GREB1: variants seen among roughly 807,000 people sequenced by gnomAD.
The protein encoded by GREB1 is growth regulating estrogen receptor binding 1.
Under a neutral mutation model 200.7 loss-of-function variants are expected in GREB1, and 106 were observed. The ratio of observed to expected loss-of-function variants is 0.53; its 90% CI spans 0.45 to 0.62. GREB1 has a LOEUF of 0.62. Ranked by LOEUF, GREB1 falls within the 20% of genes least tolerant of loss-of-function variation. GREB1 has a pLI of 0.00. For missense variants in GREB1, 2,243 were observed against 2,556.8 expected, an observed-to-expected ratio of 0.88 and a Z score of 2.65; for synonymous variants, 1,132 against 1,092.4, an observed-to-expected ratio of 1.04 and a Z score of -0.72.
In GREB1 at chr2:11,588,203, C is replaced by T. The variant is rs1333248567; in HGVS notation, c.1160-543C>T. The stretch of plus-strand genomic sequence containing the variant: ...GAGATCACGCCACTGCACTCCAGCC[C>T]GGGGACAGAGCAAGACACTGTCTCA... On this transcript the variant is annotated intron_variant, in intron 9 of 32. Coordinates refer to ENST00000381486, the MANE Select transcript of GREB1 (RefSeq NM_014668.4). The T allele has an allele frequency of 6.6e-5, 53 of 805,256 alleles. 1 individual carries two copies. Among genetic ancestry groups the T allele is most frequent in the South Asian group, 2.0e-4 (4 of 19,542 alleles). The allele number at this position is 805,256 out of a possible 1,614,324, so 49.9% of individuals were successfully genotyped here.
intron 1 of GREB1, among the ~76,000 whole-genome samples, chr2:11,488,755 T>C (rs6432204): frequency 0.93 from 136,555 of 146,794 alleles, 64,398 homozygotes; most frequent in Non-Finnish European, 1. Context: ...TGTGCCATTG[T>C]ACTCCATCCT....
chr2:11,494,257 C>T (rs144765906), intron 1 of GREB1, among the ~76,000 whole-genome samples: 2 of 152,358 alleles, frequency 1.3e-5, no homozygotes, highest in South Asian at 2.1e-4. Context: ...GCCGTCTTCC[C>T]TGACTTGTCA....
chr2:11,592,661 C>T (rs1572850040), intron 10 of GREB1, 115 bp from the exon 11 acceptor site: 5 of 649,356 alleles, frequency 7.7e-6, no homozygotes, highest in Non-Finnish European at 9.7e-6. Context: ...CTCCAGCCAT[C>T]TGTGATACGA....
chr2:11,489,934 A>G (rs949305780), intron 1 of GREB1, among the ~76,000 whole-genome samples: 2 of 145,056 alleles, frequency 1.4e-5, no homozygotes, highest in Admixed American at 7.0e-5. Context: ...TTGTAGTACA[A>G]TAACATATAT....
rs1211248633 is a variant in GREB1, at chr2:11,640,560, C to T, written c.*106C>T. 3.8e-6 allele frequency: 5 copies of T among 1,319,026 alleles called. No individual in the cohort carries two copies. Among genetic ancestry groups the T allele is most frequent in the Non-Finnish European group, 5.4e-6 (5 of 931,800 alleles). 81.7% of individuals were successfully genotyped at this position (1,319,026 alleles called of 1,614,324 possible). ...TGGGGCGTTTGACTGGAATGGACCC[C>T]AGGGACTGTCCAGGTGCAGCCCCTC... On this transcript the variant is annotated 3_prime_UTR_variant, in exon 33 of 33. Transcript: ENST00000381486. The surrounding 1 kb of genome is among the most constrained non-coding windows in gnomAD (Gnocchi z 4.6).
intron 4 of GREB1, among the ~76,000 whole-genome samples, chr2:11,567,987 C>T (rs910448704): frequency 1.3e-5 from 2 of 152,326 alleles, no homozygotes; most frequent in South Asian, 2.1e-4. Flanking sequence ...CCGGCCCCTC[C>T]GTCTGGCCTG....
At position 11,625,237 on chromosome 2, in the gene GREB1, G is replaced by A; in HGVS notation, c.4231G>A (p.Asp1411Asn). Residue 1411 changes from aspartate to asparagine, a missense_variant, in exon 24 of 33, where the codon GAC (aspartate) becomes AAC (asparagine). By Grantham distance (23) the Asp-to-Asn change is conservative. Transcript: ENST00000381486. ...GGAGCTGTTCAAGAAGTTGCCCTTT[G>A]ACTACATCATTCACGACCCGAAGTA... ...DLELFKKLPFDYIIHDPKYED... is the reference protein window; with the variant it reads ...DLELFKKLPFNYIIHDPKYED... The A allele has an allele frequency of 6.2e-7, 1 of 1,614,114 alleles. No homozygotes were observed. The highest frequency in any genetic ancestry group is 1.1e-5 in the South Asian group (1 of 91,074).
intron 1 of GREB1, among the ~76,000 whole-genome samples, chr2:11,528,777 C>A (rs973256715): frequency 2.0e-5 from 3 of 151,962 alleles, no homozygotes; most frequent in African/African-American, 7.3e-5. Flanking sequence ...TTTTTTGCTA[C>A]CTATAGATGT....
intron 17 of GREB1, among the ~76,000 whole-genome samples, chr2:11,609,049 T>G (rs1682668982): frequency 6.6e-6 from 1 of 152,206 alleles, no homozygotes; most frequent in African/African-American, 2.4e-5. Context: ...TTAGGATCAC[T>G]GTCTTTCACT....
intron 4 of GREB1, among the ~76,000 whole-genome samples, chr2:11,570,455 A>G (rs981889146): frequency 1.3e-5 from 2 of 151,524 alleles, no homozygotes; most frequent in Non-Finnish European, 2.9e-5. Flanking sequence ...TACAATTATC[A>G]TATCTAAAAG....
upstream of GREB1, among the ~76,000 whole-genome samples, chr2:11,530,562 T>TC (rs1491361243): frequency 1.1e-5 from 1 of 92,404 alleles, no homozygotes. Flanking sequence ...CGAGACTCGG[T>TC]CTCAAAAAAA....
chr2:11,497,642 C>T (rs868618933), intron 1 of GREB1, among the ~76,000 whole-genome samples: 42 of 152,300 alleles, frequency 2.8e-4, no homozygotes, highest in African/African-American at 8.7e-4. Context: ...TTGATGGTGT[C>T]ACTGTTTTTT....
chr2:11,489,463 GA>G (rs139562695), intron 1 of GREB1, among the ~76,000 whole-genome samples: 13,241 of 150,564 alleles, frequency 0.088, 812 homozygotes, highest in Non-Finnish European at 0.13. Flanking sequence ...CGTCTTGGGG[GA>G]AAAAAAAATA....
At position 11,634,354 on chromosome 2, in the gene GREB1, G is replaced by A. The variant is rs370517339; in HGVS notation, c.5210+5G>A. On this transcript the variant is annotated splice_donor_5th_base_variant and intron_variant, in intron 29 of 32. Coordinates refer to ENST00000381486, the MANE Select transcript of GREB1 (RefSeq NM_014668.4). ...CGTGCAGTACAACCAGAACCGGTGA[G>A]CTCCTGCACCTGGGGCAGAGGCGGC... 6.2e-7 allele frequency: 1 copy of A among 1,610,124 alleles called. No individual in the cohort carries two copies. The highest frequency in any genetic ancestry group is 1.3e-5 in the African/African-American group (1 of 74,986).
In GREB1 at chr2:11,484,600, AAAAAAAAAG is replaced by A. The variant is rs1253770075; in HGVS notation, c.-159+2223_-159+2231del. Among the ~76,000 whole-genome samples the A allele has an allele frequency of 1.8e-4, 27 of 151,488 alleles. 1 individual carries two copies. The highest frequency in any genetic ancestry group is 1.0e-3 in the South Asian group (5 of 4,812). ...TCTCATCTCTTAAAAAACAAAAAAAAAAAAAAAAGAAAGAAAGAAAAAGAAAGAAAAAAA... is the reference window on the plus strand; with the variant it reads ...TCTCATCTCTTAAAAAACAAAAAAAAAAAGAAAGAAAAAGAAAGAAAAAAA... On this transcript the variant is annotated intron_variant, in intron 1 of 2. Transcript: ENST00000628795.
At chr2:11,488,337 C>T (rs1013649477) in intron 1 of GREB1, among the ~76,000 whole-genome samples, 3 of 152,116 alleles carry the variant, frequency 2.0e-5, no homozygotes, top group East Asian at 1.9e-4. Flanking sequence ...ACAACAGAGA[C>T]GAAACCTCCT....
Position 11,592,793 on chromosome 2 carries a change from T to C in GREB1, c.1363T>C (p.Leu455=). Residue 455 remains leucine, a synonymous_variant, in exon 11 of 33, where the codon TTG becomes CTG. Coordinates refer to ENST00000381486, the MANE Select transcript of GREB1 (RefSeq NM_014668.4). ...TGTTGCAGCCGCGGACCAGGTGCCC[T>C]TGATGGAGGACCTGGAGCAGATCTT... ...LVQLAADQVP[L]MEDLEQIFLR... 2 of 1,541,854 alleles carry C rather than the reference T, an allele frequency of 1.3e-6. No individual in the cohort carries two copies. Among genetic ancestry groups the C allele is most frequent in the Non-Finnish European group, 1.7e-6 (2 of 1,151,468 alleles).
chr2:11,494,840 T>A (rs1672845862), intron 1 of GREB1, among the ~76,000 whole-genome samples: 1 of 152,218 alleles, frequency 6.6e-6, no homozygotes, highest in Admixed American at 6.5e-5. Context: ...CCGCAGGTGC[T>A]TAGACCATTG....
At chr2:11,489,346 C>A (rs1173340987) in intron 1 of GREB1, among the ~76,000 whole-genome samples, 3 of 152,154 alleles carry the variant, frequency 2.0e-5, no homozygotes, top group African/African-American at 7.2e-5. Flanking sequence ...GTAATCCCAG[C>A]TACTTGGGAG....
Sources: allele counts gnomAD v4.1 joint callset (sites outside exome capture counted in the v4.1 genomes callset), GRCh38; gene constraint gnomAD v4.1.1; non-coding constraint Gnocchi (gnomAD v3.1); transcripts MANE v1.5; gene names NCBI Gene and HGNC (gene_info 2026-07-23, HGNC 2026-07-21).